Variants in ABR observed in about 807,000 individuals in gnomAD.
The protein encoded by ABR is ABR activator of RhoGEF and GTPase.
In ABR, 35 loss-of-function variants were observed where a neutral mutation model predicts 107.2. That is an observed-to-expected ratio of 0.33 (90% CI 0.25 to 0.43). The LOEUF (loss-of-function observed/expected upper bound fraction) is 0.43, where lower values mean the gene tolerates loss of function less well. ABR is among the 20% of genes least tolerant of loss of function. ABR has a pLI of 1.00. For synonymous variants in ABR, 498 were observed against 462.0 expected, an observed-to-expected ratio of 1.08 and a Z score of -1.00; for missense variants, 815 against 1,115.2, an observed-to-expected ratio of 0.73 and a Z score of 3.83.
At chr17:1,013,066 C>G in intron 17 of ABR, 39 bp downstream of exon 17, 1 of 1,610,688 alleles carries the variant, frequency 6.2e-7, no homozygotes, top group East Asian at 2.2e-5. Flanking sequence ...CGTTCCACCT[C>G]CCGGCTCACG....
At chr17:1,190,737 T>C (rs1403426383), upstream of ABR, among the ~76,000 whole-genome samples, 1 of 152,198 alleles carries the variant, frequency 6.6e-6, no homozygotes, top group Non-Finnish European at 1.5e-5. Flanking sequence ...GCCCGTCCCG[T>C]CTGCTCTCGC....
At chr17:1,221,360 C>T (rs1396004641) in intron 1 of ABR, among the ~76,000 whole-genome samples, 1 of 152,192 alleles carries the variant, frequency 6.6e-6, no homozygotes, top group African/African-American at 2.4e-5. Context: ...TCTTCTAATT[C>T]CTGCCTGAAA....
chr17:1,055,953 G>T, intron 14 of ABR, 82 bp downstream of exon 14: 4 of 1,353,394 alleles, frequency 3.0e-6, no homozygotes, highest in Non-Finnish European at 4.2e-6. Context: ...GTCTAAAGGC[G>T]TGCTGGCAGG....
chr17:1,219,575 C>T (rs997012888), intron 1 of ABR, among the ~76,000 whole-genome samples: 14 of 128,052 alleles, frequency 1.1e-4, no homozygotes, highest in African/African-American at 4.3e-4. Context: ...ACCAGCCTCC[C>T]ATTAAAATCT....
chr17:1,055,331 G>C (rs538400517), intron 14 of ABR: 4 of 152,256 alleles, frequency 2.6e-5, no homozygotes, highest in Non-Finnish European at 5.9e-5. Flanking sequence ...GCACACCAGC[G>C]TTGCACACAC....
chr17:1,222,008 T>C (rs1369560301), intron 1 of ABR, among the ~76,000 whole-genome samples: 1 of 151,698 alleles, frequency 6.6e-6, no homozygotes, highest in East Asian at 1.9e-4. Context: ...TTCCTGGACT[T>C]ATAACAGCAA....
chr17:1,082,102 G>C (rs1450893747), intron 5 of ABR, among the ~76,000 whole-genome samples: 1 of 152,082 alleles, frequency 6.6e-6, no homozygotes, highest in East Asian at 1.9e-4. Flanking sequence ...AACTCTTCTA[G>C]CGTTAGAGCT....
intron 10 of ABR, among the ~76,000 whole-genome samples, chr17:1,062,218 A>G (rs866778368): frequency 2.6e-5 from 4 of 151,420 alleles, no homozygotes; most frequent in African/African-American, 4.8e-5. Context: ...AGGGCTATGC[A>G]TGTTCCTCTA....
At chr17:1,066,256 A>G (rs1035074117) in intron 10 of ABR, among the ~76,000 whole-genome samples, 2 of 152,210 alleles carry the variant, frequency 1.3e-5, no homozygotes, top group South Asian at 4.1e-4. Context: ...CAACTTGCAG[A>G]AAAATTTTGA....
intron 4 of ABR, among the ~76,000 whole-genome samples, chr17:1,090,102 G>A (rs771378198): frequency 6.6e-6 from 1 of 152,222 alleles, no homozygotes; most frequent in Non-Finnish European, 1.5e-5. Context: ...TCCCTTCTAA[G>A]CTGGGAACTG....
At position 1,148,668 on chromosome 17, in the gene ABR, C is replaced by G. The variant is rs997252406; in HGVS notation, c.62-23301G>C. Among the ~76,000 whole-genome samples the G allele has an allele frequency of 4.6e-5, 7 of 152,180 alleles. No homozygotes were observed. Among genetic ancestry groups the G allele is most frequent in the Admixed American group, 2.6e-4 (4 of 15,288 alleles). On this transcript the variant is annotated intron_variant, in intron 1 of 22. Coordinates refer to ENST00000302538, the MANE Select transcript of ABR (RefSeq NM_021962.5). This position sits in a 1 kb window ranked among gnomAD's most constrained non-coding sequence, Gnocchi z 4.9. ...CGTGCGAGGGATCGCAGTTCCATCC[C>G]GAAAGCGCTCCCCACCCTTCCCCGG...
intron 3 of ABR, among the ~76,000 whole-genome samples, chr17:1,096,129 G>T (rs2037407178): frequency 6.6e-6 from 1 of 152,162 alleles, no homozygotes. Flanking sequence ...TTCGGCCCAG[G>T]CTCCCAGGCT....
chr17:1,044,281 G>A (rs565326913), intron 16 of ABR, among the ~76,000 whole-genome samples: 8 of 152,294 alleles, frequency 5.3e-5, no homozygotes, highest in Admixed American at 1.3e-4. Flanking sequence ...CTCTGTGACC[G>A]CGGCTGCCTC....
intron 1 of ABR, among the ~76,000 whole-genome samples, chr17:1,177,681 G>A (rs1598060521): frequency 6.6e-6 from 1 of 152,118 alleles, no homozygotes; most frequent in Non-Finnish European, 1.5e-5. Flanking sequence ...TCCAGGCTTC[G>A]GGAAATAGGG....
At chr17:1,119,626 G>A (rs2039252088) in intron 2 of ABR, among the ~76,000 whole-genome samples, 1 of 152,142 alleles carries the variant, frequency 6.6e-6, no homozygotes, top group East Asian at 1.9e-4. Context: ...GAACCCCTAG[G>A]TGCCAAGAAG....
intron 16 of ABR, among the ~76,000 whole-genome samples, chr17:1,049,396 GACCTCGTGATCC>G (rs2032176524): frequency 1.3e-5 from 2 of 152,034 alleles, no homozygotes; most frequent in Non-Finnish European, 2.9e-5. Context: ...TCGAACTCCT[GACCTCGTGATCC>G]ACCCACCTCG....
chr17:1,084,952 G>A lies in ABR; in HGVS notation c.532-1325C>T, dbSNP rs1056184804. Among the ~76,000 whole-genome samples, 5 of 151,996 alleles carry A rather than the reference G, an allele frequency of 3.3e-5. No individual in the cohort carries two copies. The highest frequency in any genetic ancestry group is 3.2e-3 in the Middle Eastern group (1 of 316). ...CGAGTAGCTGGCGTTACAGGCGCCC[G>A]CCACCACGCCTGGCTAATCTTGTAT... On this transcript the variant is annotated intron_variant, in intron 4 of 22. Coordinates refer to ENST00000302538, the MANE Select transcript of ABR (RefSeq NM_021962.5). This position sits in a 1 kb window ranked among gnomAD's most constrained non-coding sequence, Gnocchi z 4.2.
At chr17:1,054,495 AAAGGGAT>A (rs2032993238) in intron 14 of ABR, among the ~76,000 whole-genome samples, 2 of 142,228 alleles carry the variant, frequency 1.4e-5, no homozygotes, top group African/African-American at 3.0e-5. Flanking sequence ...AAGGAACCTC[AAAGGGAT>A]GGGGATACAA....
chr17:1,079,263 C>A, intron 6 of ABR, 67 bp downstream of exon 6: 1 of 1,571,898 alleles, frequency 6.4e-7, no homozygotes, highest in South Asian at 1.1e-5. Context: ...GCCGCGTTCA[C>A]GCAGCCTGTT....
Sources: allele counts gnomAD v4.1 joint callset (sites outside exome capture counted in the v4.1 genomes callset), GRCh38; gene constraint gnomAD v4.1.1; non-coding constraint Gnocchi (gnomAD v3.1); transcripts MANE v1.5; gene names NCBI Gene and HGNC (gene_info 2026-07-23, HGNC 2026-07-21).